SLC35F5: variants seen among roughly 807,000 people sequenced by gnomAD.
SLC35F5 encodes the protein solute carrier family 35 member F5.
In SLC35F5, 54 loss-of-function variants were observed where a neutral mutation model predicts 68.6. The ratio of observed to expected loss-of-function variants is 0.79; its 90% CI spans 0.63 to 0.99. The LOEUF (loss-of-function observed/expected upper bound fraction) is 0.99. Among genes scored for constraint, SLC35F5 ranks in the 50% least tolerant of loss-of-function variants. The probability of loss-of-function intolerance (pLI) is 0.00; values close to 1 mark genes in which losing one functional copy is unlikely to be tolerated. For synonymous variants in SLC35F5, 211 were observed against 205.2 expected (o/e 1.03, Z -0.24); for missense variants, 567 against 626.9 (o/e 0.90, Z 1.02).
In SLC35F5 at chr2:113,715,199, A is replaced by G. The variant is rs1687132335; in HGVS notation, c.*23-4T>C. Reference sequence around the variant, plus strand: ...GCTGTATAGTTCCATTATCAAGCTAAAAACAGAAACCACAGAAATGTGATT... The same window carrying G: ...GCTGTATAGTTCCATTATCAAGCTAGAAACAGAAACCACAGAAATGTGATT... On this transcript the variant is annotated splice_region_variant and splice_polypyrimidine_tract_variant and intron_variant, in intron 15 of 15. Coordinates refer to ENST00000245680, the MANE Select transcript of SLC35F5 (RefSeq NM_025181.5). The G allele has an allele frequency of 6.6e-6, 1 of 152,218 alleles. No homozygotes were observed. Among genetic ancestry groups the G allele is most frequent in the Admixed American group, 6.5e-5 (1 of 15,284 alleles). The allele number at this position is 152,218 out of a possible 1,614,324, so 9.4% of individuals were successfully genotyped here.
Position 113,713,660 on chromosome 2 carries a change from G to GGTTTGTTGAGT in SLC35F5, c.*1557_*1558insACTCAACAAAC, listed in dbSNP as rs1687071207. ...CCCTGTTGAGCTAAACAGGTCAAAA[G>GGTTTGTTGAGT]TATAATAAACTCAACATTATTTTTA... On this transcript the variant is annotated 3_prime_UTR_variant, in exon 16 of 16. Transcript: ENST00000245680. 1 of 146,474 alleles carries GGTTTGTTGAGT rather than the reference G, an allele frequency of 6.8e-6. No homozygotes were observed. The highest frequency in any genetic ancestry group is 2.2e-4 in the South Asian group (1 of 4,582). 9.1% of individuals were successfully genotyped at this position (146,474 alleles called of 1,614,324 possible).
chr2:113,740,236 T>G (rs1033680884), intron 7 of SLC35F5, among the ~76,000 whole-genome samples: 1 of 152,148 alleles, frequency 6.6e-6, no homozygotes. Flanking sequence ...GTGATGATTG[T>G]ATCAGAAACT....
At chr2:113,717,584 A>G (rs761041668) in intron 15 of SLC35F5, 169 bp downstream of exon 15, 6 of 456,696 alleles carry the variant, frequency 1.3e-5, no homozygotes, top group Non-Finnish European at 2.3e-5. Flanking sequence ...AACCTTGCAC[A>G]GGGCCACACA....
At chr2:113,739,588 A>C (rs1688215509) in intron 7 of SLC35F5, among the ~76,000 whole-genome samples, 1 of 152,220 alleles carries the variant, frequency 6.6e-6, no homozygotes, top group Non-Finnish European at 1.5e-5. Flanking sequence ...AAAATAGTTT[A>C]AAGTCTCACA....
At chr2:113,744,719 C>G (rs1315056889) in intron 5 of SLC35F5, among the ~76,000 whole-genome samples, 2 of 152,102 alleles carry the variant, frequency 1.3e-5, no homozygotes, top group African/African-American at 4.8e-5. Context: ...CGCCACTGCA[C>G]TCCAGCTTGG....
Position 113,755,152 on chromosome 2 carries a change from C to A in SLC35F5, c.273+13G>T. On this transcript the variant is annotated intron_variant, in intron 3 of 15. Transcript: ENST00000245680. ...CTGTAATGTAACATCATTCCTGGAC[C>A]AAAGGTACATACCGAAGTAAGTTCA... 1.2e-6 allele frequency: 2 copies of A among 1,612,412 alleles called. No individual in the cohort carries two copies. The highest frequency in any genetic ancestry group is 2.7e-5 in the African/African-American group (2 of 74,942).
intron 14 of SLC35F5, among the ~76,000 whole-genome samples, chr2:113,718,927 AAAAG>A (rs1330985079): frequency 2.2e-5 from 1 of 44,458 alleles, no homozygotes; most frequent in African/African-American, 6.5e-5. Flanking sequence ...GAAAGAAAGA[AAAAG>A]AAAGGAAGAA....
chr2:113,735,822 A>G lies in SLC35F5; in HGVS notation c.787T>C (p.Ser263Pro). 6.2e-7 allele frequency: 1 copy of G among 1,609,968 alleles called. No individual in the cohort carries two copies. Among genetic ancestry groups the G allele is most frequent in the South Asian group, 1.1e-5 (1 of 89,816 alleles). Residue 263 changes from serine (S) to proline (P), a missense_variant, in exon 8 of 16, where the codon TCA becomes CCA. Transcript: ENST00000245680. ...LANLSYQEAL[S>P]DTQVAIVNIL... ...TTAACTATAGCAACTTGTGTGTCTG[A>G]AAGTGCTTCTTGATATGACAAATTT...
chr2:113,748,097 C>G (rs759706086), intron 4 of SLC35F5, among the ~76,000 whole-genome samples: 6 of 152,024 alleles, frequency 3.9e-5, no homozygotes, highest in Non-Finnish European at 8.8e-5. Flanking sequence ...GTCTCAACAA[C>G]AGCAACAAAA....
At chr2:113,734,736 C>A (rs894437450) in intron 8 of SLC35F5, 63 bp from the exon 9 acceptor site, 1 of 970,962 alleles carries the variant, frequency 1.0e-6, no homozygotes, top group Non-Finnish European at 1.6e-6. Flanking sequence ...ATTTTTACTA[C>A]CAACTTCATT....
In SLC35F5 at chr2:113,710,055, ATCC is replaced by A. The variant is rs112633885; in HGVS notation, c.*5160_*5162del. ...GATCTTGAACTCCTGGGCTCACGTG[ATCC>A]TCCTGCCTCAGTCTCCCAAAGCACT... On this transcript the variant is annotated 3_prime_UTR_variant, in exon 16 of 16. Coordinates refer to ENST00000245680, the MANE Select transcript of SLC35F5 (RefSeq NM_025181.5). Among the ~76,000 whole-genome samples the A allele has an allele frequency of 1.6e-3, 246 of 152,042 alleles. 1 individual carries two copies. The highest frequency in any genetic ancestry group is 5.7e-3 in the African/African-American group (235 of 41,482).
Position 113,709,172 on chromosome 2 carries a change from A to T in SLC35F5, c.*6046T>A, listed in dbSNP as rs1686891754. 6.6e-6 allele frequency among the ~76,000 whole-genome samples: 1 copy of T among 152,214 alleles called. No individual in the cohort carries two copies. Among genetic ancestry groups the T allele is most frequent in the Non-Finnish European group, 1.5e-5 (1 of 68,028 alleles). On this transcript the variant is annotated 3_prime_UTR_variant, in exon 16 of 16. Transcript: ENST00000245680. Reference sequence around the variant, plus strand: ...GTTTGGCATTGTCTCTGGAACTACAAAACTATGGCCTATGTGGTGTCACTG... The same window carrying T: ...GTTTGGCATTGTCTCTGGAACTACATAACTATGGCCTATGTGGTGTCACTG...
Position 113,719,267 on chromosome 2 carries a change from T to C in SLC35F5, c.1383A>G (p.Val461=). Residue 461 remains valine (V), a synonymous_variant, in exon 14 of 16, where the codon GTA becomes GTG. Coordinates refer to ENST00000245680, the MANE Select transcript of SLC35F5 (RefSeq NM_025181.5). ...SWLFFAGAIP[V]FFSFFIVTLL... is the part of the protein sequence containing the mutation. ...GAGTTACAATAAAAAATGAAAAAAA[T>C]ACAGGGATAGCTCCTGCAAAAAATA... is the stretch of plus-strand genomic sequence containing the variant. 3 of 1,593,974 alleles carry C rather than the reference T, an allele frequency of 1.9e-6. No individual in the cohort carries two copies. Among genetic ancestry groups the C allele is most frequent in the Middle Eastern group, 1.8e-4 (1 of 5,410 alleles).
At position 113,710,588 on chromosome 2, in the gene SLC35F5, A is replaced by G. The variant is rs919494959; in HGVS notation, c.*4630T>C. 3.9e-5 allele frequency among the ~76,000 whole-genome samples: 6 copies of G among 151,990 alleles called. No individual in the cohort carries two copies. Among genetic ancestry groups the G allele is most frequent in the Non-Finnish European group, 5.9e-5 (4 of 67,992 alleles). ...CTACTAAAAACACAAAAATTAGGCA[A>G]TATAGCAAGACCCCATCTCTACCAA... is the stretch of plus-strand genomic sequence containing the variant. On this transcript the variant is annotated 3_prime_UTR_variant, in exon 16 of 16. Transcript: ENST00000245680.
chr2:113,724,946 C>A (rs1204930155), intron 12 of SLC35F5, among the ~76,000 whole-genome samples: 1 of 152,078 alleles, frequency 6.6e-6, no homozygotes, highest in African/African-American at 2.4e-5. Flanking sequence ...AACAAAAACA[C>A]CTATGAACAA....
chr2:113,719,361 T>C (rs1277549343), intron 13 of SLC35F5, 53 bp from the exon 14 acceptor site: 2 of 1,476,426 alleles, frequency 1.4e-6, no homozygotes, highest in Non-Finnish European at 1.8e-6. Context: ...ATTAAGGCAA[T>C]TTTCCCCTTC....
At chr2:113,704,194 C>A (rs527381169), downstream of SLC35F5, 1 of 152,304 alleles carries the variant, frequency 6.6e-6, no homozygotes, top group Non-Finnish European at 1.5e-5. Context: ...TCGGGCAGCC[C>A]GCTTTTATTC....
intron 14 of SLC35F5, among the ~76,000 whole-genome samples, chr2:113,718,887 AAG>A (rs1171906531): frequency 1.8e-5 from 1 of 54,826 alleles, no homozygotes; most frequent in Non-Finnish European, 5.2e-5. Flanking sequence ...GAAAGAAAGA[AAG>A]AAAGAAAGAA....
At chr2:113,719,681 GTC>G (rs1312178452) in intron 13 of SLC35F5, 2 of 159,260 alleles carry the variant, frequency 1.3e-5, no homozygotes, top group African/African-American at 4.8e-5. Context: ...TCTCAAGTGG[GTC>G]TCTCTCCCTC....
Sources: gnomAD v4.1 joint callset for allele counts (sites outside exome capture counted in the v4.1 genomes callset) on GRCh38, gnomAD v4.1.1 for gene constraint, MANE v1.5 for transcripts, NCBI Gene and HGNC (gene_info 2026-07-23, HGNC 2026-07-21) for gene names.